The following MEP1B variants were observed in gnomAD, a reference collection of about 807,000 sequenced individuals.
The protein encoded by MEP1B is N-benzoyl-L-tyrosyl-P-amino-benzoic acid hydrolase subunit beta.
Under a neutral mutation model 84.6 loss-of-function variants are expected in MEP1B, and 80 were observed. That is an observed-to-expected ratio of 0.95 (90% CI 0.79 to 1.14). The LOEUF (loss-of-function observed/expected upper bound fraction) is 1.14. Among genes scored for constraint, MEP1B ranks in the 50% most tolerant of loss-of-function variants. The probability of loss-of-function intolerance (pLI) is 0.00; values close to 1 mark genes in which losing one functional copy is unlikely to be tolerated. For synonymous variants in MEP1B, 273 were observed against 288.1 expected, an observed-to-expected ratio of 0.95 and a Z score of 0.53; for missense variants, 766 against 855.1, an observed-to-expected ratio of 0.90 and a Z score of 1.30.
chr18:32,209,234 C>T (rs891163232), intron 9 of MEP1B, among the ~76,000 whole-genome samples: 1 of 152,170 alleles, frequency 6.6e-6, no homozygotes, highest in African/African-American at 2.4e-5. Flanking sequence ...TGCCTGTAAT[C>T]CCCGGCCTTT....
chr18:32,206,762 C>A (rs989405788), intron 7 of MEP1B, among the ~76,000 whole-genome samples: 8 of 152,106 alleles, frequency 5.3e-5, no homozygotes, highest in African/African-American at 1.9e-4. Context: ...TAGGTGCGCA[C>A]CACCACAATG....
rs773010918 is a variant in MEP1B at position 32,217,823 on chromosome 18, G to A, written c.1949G>A (p.Arg650Gln). The stretch of plus-strand genomic sequence containing the variant: ...AGGTGTGAAAAGAGAGGCTCCACCC[G>A]AGACACCATAGTCATTGCTGTTTCA... ...GERCEKRGST[R>Q]DTIVIAVSST... The change falls in exon 14 of 15, where the codon CGA (arginine) becomes CAA (glutamine). Residue 650 changes from arginine to glutamine, a missense_variant. Physicochemically the swap from Arg to Gln is conservative, Grantham distance 43. Coordinates refer to ENST00000269202, the MANE Select transcript of MEP1B (RefSeq NM_005925.3). The A allele has an allele frequency of 1.3e-5, 21 of 1,613,888 alleles. No individual in the cohort carries two copies. The highest frequency in any genetic ancestry group is 2.7e-5 in the African/African-American group (2 of 75,042).
intron 7 of MEP1B, among the ~76,000 whole-genome samples, chr18:32,206,098 C>T (rs931179626): frequency 1.3e-5 from 2 of 152,104 alleles, no homozygotes; most frequent in African/African-American, 2.4e-5. Context: ...TCTCCTGCCT[C>T]AGCCTCCCGA....
At chr18:32,215,953 C>T (rs1287123801) in intron 12 of MEP1B, among the ~76,000 whole-genome samples, 1 of 130,680 alleles carries the variant, frequency 7.7e-6, no homozygotes, top group Non-Finnish European at 1.7e-5. Context: ...AATGTACATA[C>T]ATGCATACAT....
Position 32,208,143 on chromosome 18 carries a change from C to T in MEP1B, c.791C>T (p.Ser264Leu), listed in dbSNP as rs1392024190. ...GCCTCTTCCTTGAGTTTTATGGACT[C>T]GTGCAGTTTTGAACTGGAAAATGTG... The part of the protein sequence containing the change: ...NCSSSLSFMD[S>L]CSFELENVCG... Residue 264 changes from serine (S) to leucine (L), a missense_variant, in exon 9 of 15, where the codon TCG (serine) becomes TTG (leucine). Physicochemically the swap from Ser to Leu is moderately radical, Grantham distance 145. Coordinates refer to ENST00000269202, the MANE Select transcript of MEP1B (RefSeq NM_005925.3). The T allele has an allele frequency of 1.1e-5, 18 of 1,613,600 alleles. No homozygotes were observed. Among genetic ancestry groups the T allele is most frequent in the Non-Finnish European group, 1.4e-5 (16 of 1,179,760 alleles).
At chr18:32,190,239 AT>A in intron 1 of MEP1B, 106 bp downstream of exon 1, 1 of 812,978 alleles carries the variant, frequency 1.2e-6, no homozygotes, top group East Asian at 2.7e-5. Context: ...ACATCTTGAA[AT>A]GTTGATCTCA....
chr18:32,217,294 T>C (rs1352665237), intron 13 of MEP1B, among the ~76,000 whole-genome samples, 177 bp downstream of exon 13: 1 of 152,164 alleles, frequency 6.6e-6, no homozygotes, highest in Non-Finnish European at 1.5e-5. Context: ...TCAAGAACTA[T>C]CTTTGTGATA....
At chr18:32,210,403 A>T in intron 9 of MEP1B, 98 bp from the exon 10 acceptor site, 1 of 983,328 alleles carries the variant, frequency 1.0e-6, no homozygotes, top group Non-Finnish European at 1.5e-6. Flanking sequence ...TATGGATGTT[A>T]CTTATGCCTC....
chr18:32,217,721 A>G lies in MEP1B; in HGVS notation c.1887-40A>G, dbSNP rs117770503. 245 of 1,503,714 alleles carry G rather than the reference A, an allele frequency of 1.6e-4. 1 individual carries two copies. The East Asian group carries it at 5.3e-3, about 33-fold the overall frequency. The allele number at this position is 1,503,714 out of a possible 1,614,324, so 93.1% of individuals were successfully genotyped here. A position where few individuals can be genotyped will look rare whatever the true frequency, so the allele number is the denominator to read the frequency against. ...TAACTGTGAAGATTTCTGGAGTTAG[A>G]TATCAACTAATAACTCTGAGTCATG... is the stretch of plus-strand genomic sequence containing the variant. On this transcript the variant is annotated intron_variant, in intron 13 of 14. Coordinates refer to ENST00000269202, the MANE Select transcript of MEP1B (RefSeq NM_005925.3).
At chr18:32,199,389 G>A (rs1179081698) in intron 5 of MEP1B, among the ~76,000 whole-genome samples, 1 of 152,122 alleles carries the variant, frequency 6.6e-6, no homozygotes, top group Non-Finnish European at 1.5e-5. Flanking sequence ...TTTGGAACTG[G>A]TATAGAAGGA....
At chr18:32,217,142 C>T (rs1343868721) in intron 13 of MEP1B, 25 bp downstream of exon 13, 1 of 1,606,976 alleles carries the variant, frequency 6.2e-7, no homozygotes, top group South Asian at 1.1e-5. Context: ...AAAGAGATCT[C>T]TCCATTCTTT....
chr18:32,205,840 T>C (rs1365487239), intron 7 of MEP1B, among the ~76,000 whole-genome samples: 1 of 152,254 alleles, frequency 6.6e-6, no homozygotes, highest in Non-Finnish European at 1.5e-5. Flanking sequence ...TATTTTGACA[T>C]GTGTACACAA....
At chr18:32,209,175 C>T (rs561435272) in intron 9 of MEP1B, among the ~76,000 whole-genome samples, 5 of 152,138 alleles carry the variant, frequency 3.3e-5, no homozygotes, top group Non-Finnish European at 7.3e-5. Context: ...GGAAACTAAG[C>T]GAATACTTGA....
At chr18:32,200,104 T>A (rs2040897290) in intron 5 of MEP1B, among the ~76,000 whole-genome samples, 1 of 152,110 alleles carries the variant, frequency 6.6e-6, no homozygotes, top group Non-Finnish European at 1.5e-5. Flanking sequence ...ATGAATGCCT[T>A]GAGGATAAGA....
intron 14 of MEP1B, 129 bp from the exon 15 acceptor site, chr18:32,220,102 G>A: frequency 1.2e-6 from 1 of 802,488 alleles, no homozygotes; most frequent in South Asian, 1.7e-5. Flanking sequence ...GCCATTGCCA[G>A]CTAGGAGGGA....
Position 32,202,963 on chromosome 18 carries a change from G to T in MEP1B, c.321G>T (p.Lys107Asn), listed in dbSNP as rs201192031. ...GCCTTAAAACATGTATTGACTTTAA[G>T]CCTTGGGCTGGAGAAACAAACTATA... ...RYRLKTCIDF[K>N]PWAGETNYIS... is the part of the protein sequence containing the mutation. The change falls in exon 6 of 15, where the codon AAG becomes AAT. Residue 107 changes from lysine to asparagine, a missense_variant. Coordinates refer to ENST00000269202, the MANE Select transcript of MEP1B (RefSeq NM_005925.3). 70 of 1,612,566 alleles carry T rather than the reference G, an allele frequency of 4.3e-5. No homozygotes were observed. The African/African-American group carries it at 8.7e-4, about 20-fold the overall frequency.
intron 14 of MEP1B, among the ~76,000 whole-genome samples, chr18:32,219,767 C>G (rs1478995988): frequency 6.6e-6 from 1 of 152,010 alleles, no homozygotes; most frequent in African/African-American, 2.4e-5. Context: ...GAAACCATGA[C>G]AGTATTAGAG....
intron 3 of MEP1B, 28 bp from the exon 4 acceptor site, chr18:32,192,746 T>C (rs2040814798): frequency 6.2e-7 from 1 of 1,612,630 alleles, no homozygotes; most frequent in East Asian, 2.2e-5. Flanking sequence ...TCCAATTTGC[T>C]AACATGAATT....
chr18:32,219,782 G>A (rs952094150), intron 14 of MEP1B, among the ~76,000 whole-genome samples: 1 of 151,452 alleles, frequency 6.6e-6, no homozygotes, highest in African/African-American at 2.4e-5. Context: ...TTAGAGACAT[G>A]GTAAGGATAG....
Sources: allele counts gnomAD v4.1 joint callset (sites outside exome capture counted in the v4.1 genomes callset), GRCh38; gene constraint gnomAD v4.1.1; transcripts MANE v1.5; gene names NCBI Gene and HGNC (gene_info 2026-07-23, HGNC 2026-07-21).